Variants in CRACR2A observed in about 807,000 individuals in gnomAD.
The protein encoded by CRACR2A is calcium release activated channel regulator 2A, also known as EF-hand calcium-binding domain-containing protein 4B.
Under a neutral mutation model 90.5 loss-of-function variants are expected in CRACR2A, and 79 were observed. That is an observed-to-expected ratio of 0.87 (90% CI 0.73 to 1.05). The LOEUF (loss-of-function observed/expected upper bound fraction) is 1.05, where lower values mean the gene tolerates loss of function less well. Among genes scored for constraint, CRACR2A ranks in the 50% least tolerant of loss-of-function variants. CRACR2A has a pLI of 0.00. For missense variants in CRACR2A, 823 were observed against 897.2 expected (o/e 0.92, Z 1.06); for synonymous variants, 338 against 356.7 (o/e 0.95, Z 0.59).
At chr12:3,736,515 G>C (rs1490296067) in intron 1 of CRACR2A, among the ~76,000 whole-genome samples, 3 of 152,040 alleles carry the variant, frequency 2.0e-5, no homozygotes, top group African/African-American at 7.3e-5. Flanking sequence ...GTGTGCAGGA[G>C]TGGGGACAGG....
rs192810541 is a variant in CRACR2A, at chr12:3,633,536, G to A, written c.1735+68C>T. 72 of 1,542,624 alleles carry A rather than the reference G, an allele frequency of 4.7e-5. 1 individual carries two copies. The highest frequency in any genetic ancestry group is 2.5e-4 in the African/African-American group (18 of 72,824). On this transcript the variant is annotated intron_variant, in intron 15 of 19. Coordinates refer to ENST00000440314, the MANE Select transcript of CRACR2A (RefSeq NM_001144958.2). The surrounding 1 kb of genome is among the most constrained non-coding windows in gnomAD (Gnocchi z 4.5). ...ATGGGCTTCTAACGCTCCCTGCCCCGGGCCCCCTTCTCACAAACTCCCTTC... is the reference window on the plus strand; with the variant it reads ...ATGGGCTTCTAACGCTCCCTGCCCCAGGCCCCCTTCTCACAAACTCCCTTC...
chr12:3,730,476 C>T (rs900702749), intron 2 of CRACR2A: 7 of 152,172 alleles, frequency 4.6e-5, no homozygotes, highest in South Asian at 4.1e-4. Context: ...ATGTTACACA[C>T]GTTCAGGGTC....
intron 13 of CRACR2A, chr12:3,640,826 G>A (rs1384702650): frequency 1.5e-6 from 2 of 1,302,746 alleles, no homozygotes; most frequent in Admixed American, 2.3e-5. Context: ...GCAGGGGACT[G>A]GTTTGTCTCT....
chr12:3,750,735 C>A (rs1946690897), intron 1 of CRACR2A, among the ~76,000 whole-genome samples: 1 of 152,156 alleles, frequency 6.6e-6, no homozygotes, highest in Non-Finnish European at 1.5e-5. Flanking sequence ...CTCACTAGCT[C>A]TCCCCTAGCT....
At chr12:3,671,661 T>C (rs1945244950) in intron 7 of CRACR2A, among the ~76,000 whole-genome samples, 1 of 152,218 alleles carries the variant, frequency 6.6e-6, no homozygotes, top group Non-Finnish European at 1.5e-5. Context: ...TCTGGAAGGA[T>C]ACAGGGATCC....
chr12:3,716,963 AGACGCTTT>A (rs1946091967), intron 2 of CRACR2A, among the ~76,000 whole-genome samples: 1 of 152,158 alleles, frequency 6.6e-6, no homozygotes, highest in African/African-American at 2.4e-5. Context: ...AACTTTTGGA[AGACGCTTT>A]GTACAAGCCA....
chr12:3,639,887 T>TA (rs1468296241), intron 13 of CRACR2A, among the ~76,000 whole-genome samples: 2 of 152,208 alleles, frequency 1.3e-5, no homozygotes, highest in Non-Finnish European at 2.9e-5. Flanking sequence ...TGCATCAAGC[T>TA]TATTAAGTGC....
intron 1 of CRACR2A, among the ~76,000 whole-genome samples, chr12:3,752,350 ACACAC>A (rs1946720754): frequency 1.7e-4 from 12 of 69,898 alleles, no homozygotes; most frequent in South Asian, 1.5e-3. Flanking sequence ...ACACACACAC[ACACAC>A]GGACACACAC....
intron 17 of CRACR2A, among the ~76,000 whole-genome samples, chr12:3,623,810 A>G (rs1263822617): frequency 6.6e-6 from 1 of 152,210 alleles, no homozygotes; most frequent in Non-Finnish European, 1.5e-5. Context: ...AACAAGGGCA[A>G]GGCCACAGTC....
In CRACR2A at chr12:3,653,944, G is replaced by A. The variant is rs558688908; in HGVS notation, c.1046+268C>T. Among the ~76,000 whole-genome samples, 9 of 152,298 alleles carry A rather than the reference G, an allele frequency of 5.9e-5. No individual in the cohort carries two copies. The East Asian group carries it at 9.6e-4, about 16-fold the overall frequency. On this transcript the variant is annotated intron_variant, in intron 10 of 19. Transcript: ENST00000440314. ...TATGAGTAACCTCATATTTGTTTGCGGAATAACATGTCTTTGTAATCACAG... is the reference window on the plus strand; with the variant it reads ...TATGAGTAACCTCATATTTGTTTGCAGAATAACATGTCTTTGTAATCACAG...
rs144899018 is a variant in CRACR2A at position 3,632,744 on chromosome 12, C to T, written c.1735+860G>A. Among the ~76,000 whole-genome samples, 102 of 152,280 alleles carry T rather than the reference C, an allele frequency of 6.7e-4. 2 individuals carry two copies. In the East Asian group the frequency reaches 0.017, roughly 26 times the overall value. On this transcript the variant is annotated intron_variant, in intron 15 of 19. Coordinates refer to ENST00000440314, the MANE Select transcript of CRACR2A (RefSeq NM_001144958.2). ...AACAGTACCTGTCCCCCAGGGTTGT[C>T]GTGGACATAGATGGAAAGGATGACT...
intron 8 of CRACR2A, 122 bp downstream of exon 8, chr12:3,659,440 AAT>A (rs1265907056): frequency 1.4e-6 from 1 of 740,152 alleles, no homozygotes; most frequent in African/African-American, 1.8e-5. Context: ...TTGAAAAAAA[AAT>A]ACAGCAGAGA....
chr12:3,685,324 G>A (rs954853642), intron 4 of CRACR2A, among the ~76,000 whole-genome samples: 4 of 152,192 alleles, frequency 2.6e-5, no homozygotes, highest in African/African-American at 9.7e-5. Context: ...ATGGTATGGT[G>A]TCTCCTCAAA....
At chr12:3,648,137 T>G in intron 11 of CRACR2A, 1 of 1,033,694 alleles carries the variant, frequency 9.7e-7, no homozygotes, top group Non-Finnish European at 1.2e-6. Context: ...TAATATCAAC[T>G]TCCCATCAGT....
At chr12:3,644,529 G>C in intron 12 of CRACR2A, 66 bp downstream of exon 12, 1 of 1,487,216 alleles carries the variant, frequency 6.7e-7, no homozygotes, top group South Asian at 1.2e-5. Context: ...GTCTCGACAT[G>C]GATCTGGCTG....
chr12:3,752,481 C>G (rs1267491948), intron 1 of CRACR2A: 1 of 153,012 alleles, frequency 6.5e-6, no homozygotes. Flanking sequence ...CAAGCCCCAG[C>G]AGCCGCCCAC....
chr12:3,736,753 G>C (rs1946456393), intron 1 of CRACR2A, among the ~76,000 whole-genome samples: 1 of 152,184 alleles, frequency 6.6e-6, no homozygotes, highest in African/African-American at 2.4e-5. Context: ...AAAACCCAAA[G>C]ATGAGAAAAG....
intron 7 of CRACR2A, among the ~76,000 whole-genome samples, chr12:3,668,995 G>C (rs1221461449): frequency 2.6e-5 from 4 of 152,230 alleles, no homozygotes; most frequent in African/African-American, 9.6e-5. Flanking sequence ...CAAACAGGCA[G>C]CCAGCTGGTA....
intron 2 of CRACR2A, among the ~76,000 whole-genome samples, chr12:3,715,503 T>C (rs916466824): frequency 3.3e-5 from 5 of 152,196 alleles, no homozygotes; most frequent in African/African-American, 4.8e-5. Flanking sequence ...CTTATAATAA[T>C]GAAACAGCTC....
Sources: gnomAD v4.1 joint callset for allele counts (sites outside exome capture counted in the v4.1 genomes callset) on GRCh38, gnomAD v4.1.1 for gene constraint, Gnocchi (gnomAD v3.1) non-coding constraint, MANE v1.5 for transcripts, NCBI Gene and HGNC (gene_info 2026-07-23, HGNC 2026-07-21) for gene names.